Variants in MYOCOS observed in about 807,000 individuals in gnomAD.
The protein encoded by MYOCOS is myocilin opposite strand, also known as myocilin opposite strand protein.
chr1:171,612,146 G>A (rs1172516394), intron 1 of MYOCOS, among the ~76,000 whole-genome samples: 3 of 151,878 alleles, frequency 2.0e-5, no homozygotes, highest in African/African-American at 4.8e-5. Context: ...GTGCAATCTC[G>A]GCTCACTGCA....
intron 1 of MYOCOS, among the ~76,000 whole-genome samples, chr1:171,607,841 C>T (rs989735673): frequency 6.6e-6 from 1 of 152,182 alleles, no homozygotes; most frequent in African/African-American, 2.4e-5. Context: ...CAAGTCTATT[C>T]TCATGCTGCT....
chr1:171,602,750 T>C (rs1463667258), intron 1 of MYOCOS, among the ~76,000 whole-genome samples: 1 of 152,184 alleles, frequency 6.6e-6, no homozygotes, highest in East Asian at 1.9e-4. Flanking sequence ...ACAAGAAGCA[T>C]TATTAAATAT....
At chr1:171,621,398 C>T (rs1232999245), upstream of MYOCOS, among the ~76,000 whole-genome samples, 8 of 103,594 alleles carry the variant, frequency 7.7e-5, no homozygotes, top group Admixed American at 3.8e-4. Context: ...TTTTTTGAGA[C>T]GTAGTCTCAC....
upstream of MYOCOS, among the ~76,000 whole-genome samples, chr1:171,621,058 G>A (rs1177044306): frequency 3.3e-5 from 5 of 151,924 alleles, no homozygotes; most frequent in Non-Finnish European, 5.9e-5. Flanking sequence ...ACGAGCCACC[G>A]TGCCCGGCCT....
At chr1:171,605,586 C>T (rs1291553049) in intron 1 of MYOCOS, among the ~76,000 whole-genome samples, 4 of 152,160 alleles carry the variant, frequency 2.6e-5, no homozygotes, top group South Asian at 2.1e-4. Context: ...CAGGTAGCTG[C>T]GTAATTGCAC....
chr1:171,618,999 C>G (rs1212914116), upstream of MYOCOS, among the ~76,000 whole-genome samples: 1 of 152,182 alleles, frequency 6.6e-6, no homozygotes, highest in Admixed American at 6.5e-5. Flanking sequence ...AAGTAAGAAT[C>G]TAAGAGAGCT....
intron 2 of MYOCOS, among the ~76,000 whole-genome samples, chr1:171,625,275 C>A (rs1051837565): frequency 2.0e-5 from 3 of 152,154 alleles, no homozygotes; most frequent in African/African-American, 7.2e-5. Flanking sequence ...TCCTAGCCAC[C>A]AAACAATTCC....
intron 1 of MYOCOS, among the ~76,000 whole-genome samples, chr1:171,608,492 C>A (rs867522958): frequency 4.1e-5 from 6 of 145,156 alleles, no homozygotes; most frequent in Middle Eastern, 3.5e-3. Flanking sequence ...ATCTCGGCTC[C>A]CTGCAAGCTC....
chr1:171,606,799 G>A (rs1652252241), intron 1 of MYOCOS, among the ~76,000 whole-genome samples: 1 of 152,210 alleles, frequency 6.6e-6, no homozygotes, highest in African/African-American at 2.4e-5. Context: ...TGTCTCAGAG[G>A]TTTTCTCTGC....
chr1:171,620,343 A>C (rs537773146), upstream of MYOCOS, among the ~76,000 whole-genome samples: 28 of 152,098 alleles, frequency 1.8e-4, no homozygotes, highest in Non-Finnish European at 3.2e-4. Flanking sequence ...TAATATTATG[A>C]GACAAGAAAG....
chr1:171,624,622 GTT>G lies in MYOCOS; in HGVS notation c.95+652_95+653del, dbSNP rs879605984. ...CGGCTAATATTTTGTGTGTGTGTGT[GTT>G]TTTTTTTAGTAGAGACGGGGTTTCA... On this transcript the variant is annotated intron_variant, in intron 2 of 2. Coordinates refer to ENST00000637642, the MANE Select transcript of MYOCOS (RefSeq NM_001391940.1). 3.8e-3 allele frequency among the ~76,000 whole-genome samples: 524 copies of G among 138,586 alleles called. 1 individual carries two copies. Among genetic ancestry groups the G allele is most frequent in the Non-Finnish European group, 4.0e-3 (253 of 63,000 alleles). The allele number at this position is 138,586 out of a possible 152,430, so 90.9% of individuals were successfully genotyped here.
chr1:171,611,835 G>C (rs993533365), intron 1 of MYOCOS, among the ~76,000 whole-genome samples: 1 of 151,820 alleles, frequency 6.6e-6, no homozygotes. Flanking sequence ...TAATTTGCAG[G>C]GGATGGAAAA....
At chr1:171,619,881 A>C (rs1652521694), upstream of MYOCOS, among the ~76,000 whole-genome samples, 1 of 151,096 alleles carries the variant, frequency 6.6e-6, no homozygotes, top group Admixed American at 6.6e-5. Context: ...CAGTGGCTGT[A>C]TATCTTCTGA....
chr1:171,617,107 G>T (rs912406576), intron 2 of MYOCOS, among the ~76,000 whole-genome samples: 1 of 152,178 alleles, frequency 6.6e-6, no homozygotes, highest in African/African-American at 2.4e-5. Context: ...TGGCCACACA[G>T]CTGTGTGGGA....
chr1:171,610,827 G>A (rs1232906875), intron 1 of MYOCOS, among the ~76,000 whole-genome samples: 2 of 152,216 alleles, frequency 1.3e-5, no homozygotes, highest in African/African-American at 4.8e-5. Context: ...ATATTATGCA[G>A]GATCCCATGA....
intron 1 of MYOCOS, among the ~76,000 whole-genome samples, chr1:171,613,851 A>G (rs1234122519): frequency 8.6e-5 from 13 of 151,340 alleles, no homozygotes; most frequent in African/African-American, 3.2e-4. Flanking sequence ...CCTTATCCTC[A>G]GCTTTTACTG....
At chr1:171,620,773 C>CTTTTTTTTTTTTTT (rs34455235), upstream of MYOCOS, among the ~76,000 whole-genome samples, 2 of 127,212 alleles carry the variant, frequency 1.6e-5, no homozygotes, top group Non-Finnish European at 3.2e-5. Flanking sequence ...CTTTTTCTTT[C>CTTTTTTTTTTTTTT]TTTTTTTTTT....
chr1:171,613,146 G>T (rs1344471464), intron 1 of MYOCOS, among the ~76,000 whole-genome samples: 1 of 152,112 alleles, frequency 6.6e-6, no homozygotes, highest in Non-Finnish European at 1.5e-5. Context: ...TTGACTAAAT[G>T]TCCCTAGATC....
upstream of MYOCOS, chr1:171,622,153 C>A (rs554525676): frequency 6.6e-6 from 1 of 152,148 alleles, no homozygotes; most frequent in East Asian, 1.9e-4. Context: ...GAGGGGCGTA[C>A]GTGAATTAGC....
Sources: allele counts gnomAD v4.1 joint callset (sites outside exome capture counted in the v4.1 genomes callset), GRCh38; gene constraint gnomAD v4.1.1; transcripts MANE v1.5; gene names NCBI Gene and HGNC (gene_info 2026-07-23, HGNC 2026-07-21).